The following CADM1 variants were observed in gnomAD, a reference collection of about 807,000 sequenced individuals.
CADM1 encodes the protein TSLC-1.
CADM1 carries 15 observed loss-of-function variants against 53.1 expected under a neutral mutation model. The ratio of observed to expected loss-of-function variants is 0.28; its 90% confidence interval spans 0.19 to 0.44. The LOEUF is 0.44. Among genes scored for constraint, CADM1 ranks in the 20% least tolerant of loss-of-function variants. The probability of loss-of-function intolerance (pLI) is 1.00; values close to 1 mark genes in which losing one functional copy is unlikely to be tolerated. For synonymous variants in CADM1, 281 were observed against 243.0 expected (o/e 1.16, Z -1.45); for missense variants, 434 against 611.3 (o/e 0.71, Z 3.06).
At chr11:115,409,830 TG>T (rs1318208633) in intron 1 of CADM1, among the ~76,000 whole-genome samples, 2 of 152,144 alleles carry the variant, frequency 1.3e-5, no homozygotes, top group Non-Finnish European at 2.9e-5. Flanking sequence ...ACCCAACAGT[TG>T]CAGCTGTAGT....
intron 1 of CADM1, among the ~76,000 whole-genome samples, chr11:115,364,383 T>C (rs1438136747): frequency 6.6e-6 from 1 of 152,200 alleles, no homozygotes; most frequent in African/African-American, 2.4e-5. Context: ...TCCACTCTTT[T>C]AATTTTCCTT....
intron 1 of CADM1, among the ~76,000 whole-genome samples, chr11:115,253,149 G>A (rs1230151099): frequency 2.0e-5 from 3 of 152,178 alleles, no homozygotes; most frequent in Non-Finnish European, 4.4e-5. Context: ...ACAAATTTGT[G>A]TTAGGCTACA....
At chr11:115,360,565 G>A (rs1301366947) in intron 1 of CADM1, among the ~76,000 whole-genome samples, 1 of 152,202 alleles carries the variant, frequency 6.6e-6, no homozygotes, top group African/African-American at 2.4e-5. Context: ...ATCAAAGCCA[G>A]ATACATTTCC....
At chr11:115,234,527 T>A (rs1773567239) in intron 3 of CADM1, among the ~76,000 whole-genome samples, 1 of 152,126 alleles carries the variant, frequency 6.6e-6, no homozygotes, top group African/African-American at 2.4e-5. Flanking sequence ...TTCCTAGGAT[T>A]ATATGCCCAA....
In CADM1 at chr11:115,174,017, C is replaced by A; in HGVS notation, c.*2457G>T. 1 of 966,364 alleles carries A rather than the reference C, an allele frequency of 1.0e-6. No homozygotes were observed. Among genetic ancestry groups the A allele is most frequent in the Admixed American group, 6.2e-5 (1 of 16,250 alleles). 59.9% of individuals were successfully genotyped at this position (966,364 alleles called of 1,614,324 possible). ...GTATACTTAAGAAAAAATACATAAA[C>A]CAATATACAACTAAAATCCATAATT... On this transcript the variant is annotated 3_prime_UTR_variant, in exon 12 of 12. Coordinates refer to ENST00000331581, the MANE Select transcript of CADM1 (RefSeq NM_001301043.2).
intron 1 of CADM1, among the ~76,000 whole-genome samples, chr11:115,450,381 C>T (rs778177862): frequency 6.6e-6 from 1 of 152,172 alleles, no homozygotes; most frequent in Non-Finnish European, 1.5e-5. Flanking sequence ...CATTCATAGC[C>T]TTTATTCCTA....
intron 7 of CADM1, among the ~76,000 whole-genome samples, chr11:115,211,629 G>A (rs553959964): frequency 9.3e-5 from 14 of 150,268 alleles, no homozygotes; most frequent in African/African-American, 1.9e-4. Flanking sequence ...ACAGGCATGC[G>A]CCACCACACC....
intron 1 of CADM1, among the ~76,000 whole-genome samples, chr11:115,322,958 T>C (rs1371695640): frequency 6.6e-6 from 1 of 152,178 alleles, no homozygotes; most frequent in African/African-American, 2.4e-5. Flanking sequence ...ACTAGGAGTG[T>C]AACTGTTGTG....
intron 1 of CADM1, among the ~76,000 whole-genome samples, chr11:115,443,665 C>T (rs1591246301): frequency 6.6e-6 from 1 of 152,288 alleles, no homozygotes; most frequent in African/African-American, 2.4e-5. Context: ...TACAAATAGT[C>T]CCAAAAGGAA....
chr11:115,447,279 C>T (rs1948471680), intron 1 of CADM1, among the ~76,000 whole-genome samples: 1 of 152,074 alleles, frequency 6.6e-6, no homozygotes, highest in Non-Finnish European at 1.5e-5. Flanking sequence ...GAAATGTGAA[C>T]CTGCCATTTA....
At chr11:115,238,234 C>T (rs1280102271) in intron 3 of CADM1, among the ~76,000 whole-genome samples, 2 of 152,172 alleles carry the variant, frequency 1.3e-5, no homozygotes, top group Non-Finnish European at 2.9e-5. Flanking sequence ...GTGAGTGATT[C>T]ATTTGAGGGC....
At chr11:115,395,546 G>C (rs1226326905) in intron 1 of CADM1, among the ~76,000 whole-genome samples, 1 of 152,150 alleles carries the variant, frequency 6.6e-6, no homozygotes, top group African/African-American at 2.4e-5. Context: ...GAAGGATTTG[G>C]GTGAGAGAGC....
At chr11:115,318,660 G>A (rs1437781768) in intron 1 of CADM1, among the ~76,000 whole-genome samples, 1 of 152,128 alleles carries the variant, frequency 6.6e-6, no homozygotes, top group Non-Finnish European at 1.5e-5. Context: ...GAAAGATGAC[G>A]GCTTGAATTC....
At chr11:115,189,298 G>A (rs1939728576) in intron 10 of CADM1, among the ~76,000 whole-genome samples, 2 of 152,096 alleles carry the variant, frequency 1.3e-5, no homozygotes, top group Non-Finnish European at 2.9e-5. Context: ...TGGTGGAAGG[G>A]GTGGATGGCT....
At chr11:115,472,826 C>A (rs1319630526) in intron 1 of CADM1, among the ~76,000 whole-genome samples, 1 of 151,958 alleles carries the variant, frequency 6.6e-6, no homozygotes, top group East Asian at 1.9e-4. Context: ...AATATTATAC[C>A]TTGTTAAAGA....
In CADM1 at chr11:115,243,645, T is replaced by A. The variant is rs539923247; in HGVS notation, c.125-3225A>T. On this transcript the variant is annotated intron_variant, in intron 1 of 11. Transcript: ENST00000331581. The stretch of plus-strand genomic sequence containing the variant: ...TATGTAAAAATAATTTCTGCTCACA[T>A]CCTCAAATATTTCTTCCAAACAGAA... 2.0e-5 allele frequency among the ~76,000 whole-genome samples: 3 copies of A among 152,316 alleles called. No individual in the cohort carries two copies. In the East Asian group the frequency reaches 5.8e-4, roughly 29 times the overall value.
At chr11:115,423,526 C>CA (rs1193817001) in intron 1 of CADM1, among the ~76,000 whole-genome samples, 1 of 152,108 alleles carries the variant, frequency 6.6e-6, no homozygotes, top group African/African-American at 2.4e-5. Flanking sequence ...CCAGGAGGGG[C>CA]AACAATTTTA....
At chr11:115,204,643 T>C (rs1231103076) in intron 8 of CADM1, among the ~76,000 whole-genome samples, 2 of 152,132 alleles carry the variant, frequency 1.3e-5, no homozygotes, top group Non-Finnish European at 2.9e-5. Flanking sequence ...ATGACATAGA[T>C]TCAGTCTTAA....
intron 1 of CADM1, among the ~76,000 whole-genome samples, chr11:115,464,744 C>A (rs1044683271): frequency 1.3e-5 from 2 of 152,168 alleles, no homozygotes; most frequent in African/African-American, 4.8e-5. Flanking sequence ...CTTGCAGAAC[C>A]CTGACTGAAT....
Sources: gnomAD v4.1 joint callset for allele counts (sites outside exome capture counted in the v4.1 genomes callset) on GRCh38, gnomAD v4.1.1 for gene constraint, MANE v1.5 for transcripts, NCBI Gene and HGNC (gene_info 2026-07-23, HGNC 2026-07-21) for gene names.